PCID2: variants seen among roughly 807,000 people sequenced by gnomAD.
PCID2 encodes the protein PCI domain containing 2.
In PCID2, 41 loss-of-function variants were observed where a neutral mutation model predicts 61.3. That is an observed-to-expected ratio of 0.67 (90% confidence interval 0.52 to 0.87). The LOEUF is 0.87. PCID2 is among the 40% of genes least tolerant of loss of function. The probability of loss-of-function intolerance (pLI) is 0.00; values close to 1 mark genes in which losing one functional copy is unlikely to be tolerated. For synonymous variants in PCID2, 187 were observed against 177.8 expected (o/e 1.05, Z -0.41); for missense variants, 392 against 493.4 (o/e 0.79, Z 1.95).
At position 113,180,051 on chromosome 13, in the gene PCID2, G is replaced by C. The variant is rs371487129; in HGVS notation, c.861-9C>G. ...GCAGCAGGTTGCCCTCGCTGGTGAG[G>C]GGGGAGGCGCGTCAGAAGGAGGGTG... On this transcript the variant is annotated splice_polypyrimidine_tract_variant and intron_variant, in intron 11 of 13. Transcript: ENST00000337344. The C allele has an allele frequency of 3.5e-5, 57 of 1,613,900 alleles. No homozygotes were observed. Among genetic ancestry groups the C allele is most frequent in the South Asian group, 3.3e-4 (30 of 91,082 alleles).
Position 113,208,016 on chromosome 13 carries a change from C to T in PCID2, c.36+583G>A, listed in dbSNP as rs1274824241. ...TGTCCATCTTTTAACTGTGCTTCTG[C>T]TACTTACAAGCTGTTGAACAACATC... On this transcript the variant is annotated intron_variant, in intron 1 of 13. Transcript: ENST00000337344. The T allele has an allele frequency of 3.7e-6, 6 of 1,611,120 alleles. No individual in the cohort carries two copies. In the South Asian group the frequency reaches 5.5e-5, roughly 15 times the overall value.
intron 7 of PCID2, chr13:113,187,848 A>G (rs1317817880): frequency 2.0e-5 from 3 of 152,202 alleles, no homozygotes; most frequent in East Asian, 1.9e-4. Flanking sequence ...ATGAAGTCCA[A>G]TTAATTTTTT....
At chr13:113,173,443 G>C (rs1472580187), downstream of PCID2, among the ~76,000 whole-genome samples, 1 of 152,260 alleles carries the variant, frequency 6.6e-6, no homozygotes, top group Non-Finnish European at 1.5e-5. Flanking sequence ...GAGTGACACA[G>C]AGCAGAGCAT....
chr13:113,208,639 G>C lies in PCID2; in HGVS notation c.-5C>G, dbSNP rs1200656993. On this transcript the variant is annotated 5_prime_UTR_variant, in exon 1 of 14. Coordinates refer to ENST00000337344, the MANE Select transcript of PCID2 (RefSeq NM_001127202.4). The stretch of plus-strand genomic sequence containing the variant: ...GTTAATGGTAATGTGCGCCATGGGA[G>C]CGCCGCCGAACGGAGAGCGCCACCC... The C allele has an allele frequency of 1.2e-6, 2 of 1,606,870 alleles. No individual in the cohort carries two copies. Among genetic ancestry groups the C allele is most frequent in the East Asian group, 2.3e-5 (1 of 44,438 alleles).
intron 4 of PCID2, 113 bp from the exon 5 acceptor site, chr13:113,196,335 A>T: frequency 1.3e-6 from 1 of 747,212 alleles, no homozygotes; most frequent in Non-Finnish European, 2.2e-6. Context: ...GAGCAGATTT[A>T]TGTTGCAACA....
chr13:113,192,813 C>T (rs1285103076), intron 6 of PCID2, among the ~76,000 whole-genome samples: 1 of 152,094 alleles, frequency 6.6e-6, no homozygotes, highest in Non-Finnish European at 1.5e-5. Context: ...TGCTTGTGTC[C>T]CCTCCAAAAC....
intron 6 of PCID2, among the ~76,000 whole-genome samples, chr13:113,191,339 AT>A (rs1182477545): frequency 6.6e-6 from 1 of 152,122 alleles, no homozygotes; most frequent in East Asian, 1.9e-4. Flanking sequence ...CAGCCAAAAC[AT>A]TTATTTCTTG....
At chr13:113,184,994 C>T (rs1352586127) in intron 8 of PCID2, among the ~76,000 whole-genome samples, 1 of 152,268 alleles carries the variant, frequency 6.6e-6, no homozygotes, top group Non-Finnish European at 1.5e-5. Flanking sequence ...AGGTGGGGTG[C>T]TCTACAGGAG....
In PCID2 at chr13:113,179,186, G is replaced by A; in HGVS notation, c.987-97C>T. 4 of 1,003,918 alleles carry A rather than the reference G, an allele frequency of 4.0e-6. No homozygotes were observed. In the South Asian group the frequency reaches 5.8e-5, roughly 15 times the overall value. 62.2% of individuals were successfully genotyped at this position (1,003,918 alleles called of 1,614,324 possible). On this transcript the variant is annotated intron_variant, in intron 12 of 13. Coordinates refer to ENST00000337344, the MANE Select transcript of PCID2 (RefSeq NM_001127202.4). The surrounding 1 kb of genome is among the most constrained non-coding windows in gnomAD (Gnocchi z 4.3). Reference sequence around the variant, plus strand: ...CTCTTAATAAGCCGGTGTTCTAAAGGAGTAAAAAAATTCCCACCTATTAGA... The same window carrying A: ...CTCTTAATAAGCCGGTGTTCTAAAGAAGTAAAAAAATTCCCACCTATTAGA...
In PCID2 at chr13:113,179,983, C is replaced by T. The variant is rs374529242; in HGVS notation, c.920G>A (p.Arg307His). 8.1e-6 allele frequency: 13 copies of T among 1,613,900 alleles called. No homozygotes were observed. Among genetic ancestry groups the T allele is most frequent in the African/African-American group, 2.7e-5 (2 of 74,912 alleles). ...CTCCAGGATGAGGAAGATTCCGCAG[C>T]GAATGAAGAAGGCCTCGTGCTTCGC... Reference protein sequence around the residue: ...ALAKHEAFFIRCGIFLILEKL... With the variant: ...ALAKHEAFFIHCGIFLILEKL... The change falls in exon 12 of 14, where the codon CGC becomes CAC. Residue 307 changes from arginine to histidine, a missense_variant. Physicochemically the swap from Arg to His is conservative, Grantham distance 29. Coordinates refer to ENST00000337344, the MANE Select transcript of PCID2 (RefSeq NM_001127202.4). This position sits in a 1 kb window ranked among gnomAD's most constrained non-coding sequence, Gnocchi z 4.3.
intron 3 of PCID2, among the ~76,000 whole-genome samples, chr13:113,197,698 C>T (rs991623321): frequency 2.0e-5 from 3 of 152,222 alleles, no homozygotes; most frequent in Non-Finnish European, 4.4e-5. Flanking sequence ...CAGAACATTC[C>T]TGCTCACAGA....
chr13:113,206,663 C>T (rs978604885), intron 1 of PCID2, among the ~76,000 whole-genome samples: 3 of 152,216 alleles, frequency 2.0e-5, no homozygotes, highest in Non-Finnish European at 4.4e-5. Context: ...GAAGAGGCAC[C>T]TATTTTCTTA....
chr13:113,193,411 G>C (rs2038770183), intron 6 of PCID2, among the ~76,000 whole-genome samples: 1 of 152,154 alleles, frequency 6.6e-6, no homozygotes, highest in African/African-American at 2.4e-5. Context: ...CCATCAGGCA[G>C]AGAAACACTT....
At position 113,196,175 on chromosome 13, in the gene PCID2, A is replaced by G. The variant is rs2038996603; in HGVS notation, c.308+6T>C. On this transcript the variant is annotated splice_donor_region_variant and intron_variant, in intron 5 of 13. Coordinates refer to ENST00000337344, the MANE Select transcript of PCID2 (RefSeq NM_001127202.4). ...TGCTAATTCAGCTGTTTCTGTTCAC[A>G]CTTACCAGTTTTCTTCTTTGTGGGC... 1.9e-6 allele frequency: 3 copies of G among 1,605,042 alleles called. No individual in the cohort carries two copies. Among genetic ancestry groups the G allele is most frequent in the South Asian group, 1.1e-5 (1 of 90,424 alleles).
At chr13:113,192,287 A>G (rs1013414341) in intron 6 of PCID2, among the ~76,000 whole-genome samples, 7 of 152,216 alleles carry the variant, frequency 4.6e-5, no homozygotes, top group African/African-American at 9.7e-5. Context: ...ATAATGCAGT[A>G]AATATGAATT....
chr13:113,180,050 G>T lies in PCID2; in HGVS notation c.861-8C>A. ...AGCAGCAGGTTGCCCTCGCTGGTGA[G>T]GGGGGAGGCGCGTCAGAAGGAGGGT... is the stretch of plus-strand genomic sequence containing the variant. On this transcript the variant is annotated splice_polypyrimidine_tract_variant and splice_region_variant and intron_variant, in intron 11 of 13. Transcript: ENST00000337344. 6.2e-7 allele frequency: 1 copy of T among 1,613,282 alleles called. No individual in the cohort carries two copies. The highest frequency in any genetic ancestry group is 1.6e-4 in the Middle Eastern group (1 of 6,062).
At chr13:113,207,166 T>C (rs538351317) in intron 1 of PCID2, among the ~76,000 whole-genome samples, 1 of 152,364 alleles carries the variant, frequency 6.6e-6, no homozygotes, top group East Asian at 1.9e-4. Context: ...TGTGTTCTCA[T>C]ATCCAGATGT....
At position 113,178,264 on chromosome 13, in the gene PCID2, C is replaced by T. The variant is rs542299621; in HGVS notation, c.1134G>A (p.Ser378=). 6.8e-6 allele frequency: 11 copies of T among 1,613,388 alleles called. No homozygotes were observed. The East Asian group carries it at 8.9e-5, about 13-fold the overall frequency. The part of the protein sequence containing the change: ...IYMGHVKGYI[S]HQHQKLVVSK... ...TGACCACCAGCTTCTGATGCTGATG[C>T]GATATGTAGCCTTTGACGTGTCCCT... The change falls in exon 14 of 14, where the codon TCG becomes TCA. Residue 378 remains serine, a synonymous_variant. Coordinates refer to ENST00000337344, the MANE Select transcript of PCID2 (RefSeq NM_001127202.4).
intron 7 of PCID2, among the ~76,000 whole-genome samples, chr13:113,189,133 G>A (rs898592039): frequency 6.6e-6 from 1 of 152,000 alleles, no homozygotes; most frequent in Non-Finnish European, 1.5e-5. Context: ...AGCTGGTTGT[G>A]GAAGAGCCTG....
Sources: gnomAD v4.1 joint callset for allele counts (sites outside exome capture counted in the v4.1 genomes callset) on GRCh38, gnomAD v4.1.1 for gene constraint, Gnocchi (gnomAD v3.1) non-coding constraint, MANE v1.5 for transcripts, NCBI Gene and HGNC (gene_info 2026-07-23, HGNC 2026-07-21) for gene names.